Variants in CDH18 observed in about 807,000 individuals in gnomAD.
CDH18 encodes cadherin-18.
Under a neutral mutation model 67.9 loss-of-function variants are expected in CDH18, and 31 were observed. The observed-to-expected ratio is 0.46, with a 90% CI of 0.34 to 0.62. The LOEUF (loss-of-function observed/expected upper bound fraction) is 0.62, where lower values mean the gene tolerates loss of function less well. CDH18 is among the 20% of genes least tolerant of loss of function. The pLI is 0.01. For missense variants in CDH18, 890 were observed against 975.5 expected, an observed-to-expected ratio of 0.91 and a Z score of 1.17; for synonymous variants, 362 against 347.2, an observed-to-expected ratio of 1.04 and a Z score of -0.48.
intron 11 of CDH18, among the ~76,000 whole-genome samples, chr5:19,490,333 G>A (rs1741197829): frequency 6.9e-6 from 1 of 145,918 alleles, no homozygotes; most frequent in Non-Finnish European, 1.5e-5. Flanking sequence ...AGGAAAGCAA[G>A]TGACATGCAA....
At chr5:19,939,800 A>C (rs1273187614) in intron 2 of CDH18, among the ~76,000 whole-genome samples, 1 of 151,894 alleles carries the variant, frequency 6.6e-6, no homozygotes, top group Non-Finnish European at 1.5e-5. Flanking sequence ...ATAATAGTTC[A>C]TAATACCATA....
chr5:19,753,715 G>A (rs937060134), intron 3 of CDH18, among the ~76,000 whole-genome samples: 7 of 152,170 alleles, frequency 4.6e-5, no homozygotes, highest in Non-Finnish European at 7.3e-5. Flanking sequence ...AGAATCTTAA[G>A]TGCTGTGAGA....
intron 2 of CDH18, among the ~76,000 whole-genome samples, chr5:20,090,274 T>C (rs1201616650): frequency 6.6e-6 from 1 of 152,172 alleles, no homozygotes; most frequent in Non-Finnish European, 1.5e-5. Context: ...CACTGGCTCA[T>C]GCCCATAATC....
At chr5:19,702,712 T>G (rs1229004267) in intron 5 of CDH18, among the ~76,000 whole-genome samples, 1 of 151,934 alleles carries the variant, frequency 6.6e-6, no homozygotes, top group Admixed American at 6.6e-5. Context: ...AGTTTCAGTG[T>G]GTTGGGAACA....
At chr5:20,007,622 A>G (rs1419479204) in intron 2 of CDH18, among the ~76,000 whole-genome samples, 1 of 151,130 alleles carries the variant, frequency 6.6e-6, no homozygotes, top group Non-Finnish European at 1.5e-5. Flanking sequence ...GAGTAGCGGG[A>G]GTTGAAATCA....
At chr5:20,538,160 C>T (rs984454167) in intron 1 of CDH18, among the ~76,000 whole-genome samples, 11 of 152,062 alleles carry the variant, frequency 7.2e-5, no homozygotes, top group African/African-American at 1.4e-4. Context: ...CAGAACACAT[C>T]ACTATGAATG....
chr5:20,285,730 TTTAAC>T (rs1428019580), intron 1 of CDH18, among the ~76,000 whole-genome samples: 2 of 151,476 alleles, frequency 1.3e-5, no homozygotes. Flanking sequence ...TGATATGCCT[TTTAAC>T]TTAATAATAG....
chr5:20,513,011 G>A (rs2471139), intron 1 of CDH18, among the ~76,000 whole-genome samples: 1 of 151,828 alleles, frequency 6.6e-6, no homozygotes, highest in Non-Finnish European at 1.5e-5. Context: ...TAGCATGTGA[G>A]CCTCTCTGTT....
intron 1 of CDH18, among the ~76,000 whole-genome samples, chr5:20,314,264 A>G (rs964690863): frequency 6.6e-6 from 1 of 152,080 alleles, no homozygotes; most frequent in Non-Finnish European, 1.5e-5. Flanking sequence ...AGGAAGGTGT[A>G]TGGCCTTAGG....
intron 5 of CDH18, among the ~76,000 whole-genome samples, chr5:19,704,768 T>G (rs1268208130): frequency 6.6e-6 from 1 of 152,120 alleles, no homozygotes; most frequent in East Asian, 1.9e-4. Flanking sequence ...CTCCAACATT[T>G]TCCCCCTGGA....
At chr5:19,778,941 C>G (rs925137218) in intron 3 of CDH18, among the ~76,000 whole-genome samples, 2 of 152,074 alleles carry the variant, frequency 1.3e-5, no homozygotes, top group Non-Finnish European at 2.9e-5. Flanking sequence ...ATGCTGGCTT[C>G]GTTTACTGGC....
At chr5:20,564,756 C>T (rs1000674444) in intron 1 of CDH18, among the ~76,000 whole-genome samples, 1 of 152,088 alleles carries the variant, frequency 6.6e-6, no homozygotes, top group African/African-American at 2.4e-5. Flanking sequence ...TTCCATTTGG[C>T]TCTTTAACCC....
intron 8 of CDH18, among the ~76,000 whole-genome samples, chr5:19,545,210 GATTA>G (rs1736106593): frequency 6.6e-6 from 1 of 152,120 alleles, no homozygotes; most frequent in African/African-American, 2.4e-5. Context: ...GAAATGGACT[GATTA>G]ATTATGTGAA....
intron 1 of CDH18, among the ~76,000 whole-genome samples, chr5:20,443,405 A>T (rs4866189): frequency 0.78 from 117,590 of 151,292 alleles, 46,246 homozygotes; most frequent in African/African-American, 0.86. Flanking sequence ...TCAATGATGA[A>T]TATTGGTCAT....
intron 2 of CDH18, among the ~76,000 whole-genome samples, chr5:20,251,170 C>A (rs1226261338): frequency 6.6e-6 from 1 of 151,942 alleles, no homozygotes; most frequent in Non-Finnish European, 1.5e-5. Context: ...ATTCTGTGTA[C>A]AATTACCTAC....
At chr5:19,996,838 A>G (rs1314619692) in intron 2 of CDH18, among the ~76,000 whole-genome samples, 1 of 151,994 alleles carries the variant, frequency 6.6e-6, no homozygotes, top group Non-Finnish European at 1.5e-5. Flanking sequence ...TTTTTCTTAC[A>G]CATTACCAAA....
intron 1 of CDH18, among the ~76,000 whole-genome samples, chr5:20,255,687 G>A (rs1284685255): frequency 1.3e-5 from 2 of 151,650 alleles, no homozygotes. Context: ...TTTAGGGCAT[G>A]ACATTTTGAA....
chr5:20,538,104 A>T (rs1419745443), intron 1 of CDH18, among the ~76,000 whole-genome samples: 1 of 152,172 alleles, frequency 6.6e-6, no homozygotes. Flanking sequence ...AGAAAGAGGG[A>T]AGTGCAGAGA....
At chr5:20,204,882 C>A (rs889621967) in intron 2 of CDH18, among the ~76,000 whole-genome samples, 1 of 151,108 alleles carries the variant, frequency 6.6e-6, no homozygotes, top group Non-Finnish European at 1.5e-5. Context: ...TTTATAAGTT[C>A]ATTGTACCAA....
Sources: allele counts gnomAD v4.1 joint callset (sites outside exome capture counted in the v4.1 genomes callset), GRCh38; gene constraint gnomAD v4.1.1; transcripts MANE v1.5; gene names NCBI Gene and HGNC (gene_info 2026-07-23, HGNC 2026-07-21).